The following CRISP1 variants were observed in gnomAD, a reference collection of about 807,000 sequenced individuals.
CRISP1 encodes cysteine-rich secretory protein 1.
A neutral mutation model predicts 33.1 loss-of-function variants in CRISP1; 44 were observed. That is an observed-to-expected ratio of 1.33 (90% CI 1.05 to 1.71). CRISP1 has a LOEUF of 1.71. CRISP1 is among the 40% of genes most tolerant of loss of function. The pLI is 0.00. For missense variants in CRISP1, 390 were observed against 301.2 expected, an observed-to-expected ratio of 1.29 and a Z score of -2.18; for synonymous variants, 103 against 98.7, an observed-to-expected ratio of 1.04 and a Z score of -0.26.
intron 5 of CRISP1, among the ~76,000 whole-genome samples, chr6:49,846,187 A>G (rs1340646239): frequency 6.6e-6 from 1 of 152,186 alleles, no homozygotes; most frequent in Non-Finnish European, 1.5e-5. Context: ...CAATAAAACT[A>G]AAGTTAGAAA....
chr6:49,858,547 GA>G (rs1771556803), intron 1 of CRISP1, among the ~76,000 whole-genome samples: 1 of 152,152 alleles, frequency 6.6e-6, no homozygotes, highest in African/African-American at 2.4e-5. Flanking sequence ...CTCAATATGA[GA>G]AGAACTCTCT....
intron 1 of CRISP1, among the ~76,000 whole-genome samples, chr6:49,873,967 T>G (rs1038371919): frequency 1.3e-5 from 2 of 152,086 alleles, no homozygotes; most frequent in Admixed American, 1.3e-4. Context: ...TTGATTGGTT[T>G]AAATACATTC....
At chr6:49,871,603 T>G (rs899704203) in intron 1 of CRISP1, among the ~76,000 whole-genome samples, 2 of 123,882 alleles carry the variant, frequency 1.6e-5, no homozygotes, top group African/African-American at 6.3e-5. Context: ...CCTGTGTCCA[T>G]GTGTTCTCAT....
At chr6:49,872,521 T>C (rs1232138041) in intron 1 of CRISP1, among the ~76,000 whole-genome samples, 1 of 152,194 alleles carries the variant, frequency 6.6e-6, no homozygotes, top group East Asian at 1.9e-4. Context: ...TTCTAGGGTT[T>C]TTATGGTTTT....
chr6:49,867,140 A>T (rs1166518660), upstream of CRISP1, among the ~76,000 whole-genome samples: 1 of 152,168 alleles, frequency 6.6e-6, no homozygotes, highest in Non-Finnish European at 1.5e-5. Context: ...TGAACACTAA[A>T]TTGTAAAACA....
At chr6:49,858,734 A>G (rs1771563878) in intron 1 of CRISP1, among the ~76,000 whole-genome samples, 2 of 152,272 alleles carry the variant, frequency 1.3e-5, no homozygotes, top group African/African-American at 4.8e-5. Context: ...TCTAATGCTC[A>G]AAAAATCTAG....
At chr6:49,839,622 G>C (rs2127469147) in intron 6 of CRISP1, among the ~76,000 whole-genome samples, 1 of 152,242 alleles carries the variant, frequency 6.6e-6, no homozygotes, top group African/African-American at 2.4e-5. Context: ...ACTTTGAAAA[G>C]AAGATTATTA....
intron 1 of CRISP1, among the ~76,000 whole-genome samples, chr6:49,872,813 A>T (rs531284086): frequency 1.2e-4 from 18 of 152,120 alleles, no homozygotes; most frequent in Non-Finnish European, 2.4e-4. Context: ...GCCTTGCAGT[A>T]TAGTTTGAAG....
chr6:49,846,436 T>TG, intron 5 of CRISP1, 84 bp downstream of exon 5: 1 of 1,374,576 alleles, frequency 7.3e-7, no homozygotes, highest in Non-Finnish European at 1.0e-6. Context: ...GAAGGTAGAA[T>TG]GATTTTCAGT....
At chr6:49,844,190 A>T (rs1771083511) in intron 5 of CRISP1, among the ~76,000 whole-genome samples, 1 of 152,212 alleles carries the variant, frequency 6.6e-6, no homozygotes, top group Non-Finnish European at 1.5e-5. Flanking sequence ...CAACCATTAG[A>T]TAAAGACACC....
intron 1 of CRISP1, among the ~76,000 whole-genome samples, chr6:49,872,082 G>A (rs1161578435): frequency 6.6e-6 from 1 of 152,064 alleles, no homozygotes; most frequent in African/African-American, 2.4e-5. Context: ...ACTTTTTAAT[G>A]ATCACCATTC....
intron 1 of CRISP1, among the ~76,000 whole-genome samples, chr6:49,874,826 T>C (rs1772001621): frequency 6.6e-6 from 1 of 152,020 alleles, no homozygotes; most frequent in Non-Finnish European, 1.5e-5. Flanking sequence ...GTCAATAGAA[T>C]GCAGAAAAGG....
chr6:49,875,381 G>A (rs1276570755), intron 1 of CRISP1, among the ~76,000 whole-genome samples: 1 of 151,616 alleles, frequency 6.6e-6, no homozygotes, highest in Non-Finnish European at 1.5e-5. Context: ...ACAAACTACT[G>A]CTCAAACAAA....
At chr6:49,874,087 C>A in intron 1 of CRISP1, among the ~76,000 whole-genome samples, 1 of 151,896 alleles carries the variant, frequency 6.6e-6, no homozygotes, top group East Asian at 1.9e-4. Flanking sequence ...TTTGTTTTCT[C>A]TGTCTTTCCA....
chr6:49,844,780 C>G (rs1373837035), intron 5 of CRISP1, among the ~76,000 whole-genome samples: 1 of 152,172 alleles, frequency 6.6e-6, no homozygotes, highest in African/African-American at 2.4e-5. Context: ...TTCTATTTCT[C>G]TCTTTCGAAA....
intron 1 of CRISP1, among the ~76,000 whole-genome samples, chr6:49,876,006 A>T (rs756539098): frequency 9.2e-5 from 14 of 152,172 alleles, no homozygotes; most frequent in Non-Finnish European, 1.8e-4. Flanking sequence ...TCATGACGAA[A>T]ATGCCAAAAG....
At chr6:49,858,520 G>A (rs1427959308) in intron 1 of CRISP1, among the ~76,000 whole-genome samples, 2 of 152,150 alleles carry the variant, frequency 1.3e-5, no homozygotes, top group African/African-American at 4.8e-5. Flanking sequence ...CGTTTCCCCT[G>A]CTGACTGCCA....
intron 2 of CRISP1, 57 bp downstream of exon 2, chr6:49,857,278 G>C (rs1368849034): frequency 6.6e-7 from 1 of 1,519,808 alleles, no homozygotes; most frequent in Admixed American, 1.7e-5. Flanking sequence ...TTGTATTAAA[G>C]TGTTAGCTCT....
intron 1 of CRISP1, among the ~76,000 whole-genome samples, chr6:49,865,134 A>G (rs888361102): frequency 7.9e-5 from 12 of 152,174 alleles, no homozygotes; most frequent in African/African-American, 2.9e-4. Context: ...GAGTACTAGT[A>G]ACACAAATAC....
Sources: gnomAD v4.1 joint callset for allele counts (sites outside exome capture counted in the v4.1 genomes callset) on GRCh38, gnomAD v4.1.1 for gene constraint, MANE v1.5 for transcripts, NCBI Gene and HGNC (gene_info 2026-07-23, HGNC 2026-07-21) for gene names.